The following MEX3D variants were observed in gnomAD, a reference collection of about 807,000 sequenced individuals.
MEX3D encodes the protein mex-3 RNA binding family member D, also known as RNA-binding protein MEX3D.
Under a neutral mutation model 6.3 loss-of-function variants are expected in MEX3D, and 4 were observed. The ratio of observed to expected loss-of-function variants is 0.64; its 90% CI spans 0.31 to 1.46. MEX3D has a LOEUF of 1.46. Ranked by LOEUF, MEX3D falls within the 40% of genes most tolerant of loss-of-function variation. The pLI is 0.07. For synonymous variants in MEX3D, 626 were observed against 494.1 expected (o/e 1.27, Z -3.54); for missense variants, 1,038 against 994.4 (o/e 1.04, Z -0.59).
intron 1 of MEX3D, among the ~76,000 whole-genome samples, chr19:1,558,611 C>G (rs1285500996): frequency 6.6e-6 from 1 of 152,216 alleles, no homozygotes; most frequent in Non-Finnish European, 1.5e-5. Flanking sequence ...TGGAGACCCT[C>G]TGACACCACC....
rs1424318732 is a variant in MEX3D, at chr19:1,554,930, TAAA to T, written c.*630_*632del. On this transcript the variant is annotated 3_prime_UTR_variant, in exon 2 of 2. Coordinates refer to ENST00000402693, the MANE Select transcript of MEX3D (RefSeq NM_203304.4). ...AGTAAAAGTAAAAAAAAAAAAAAAT[TAAA>T]AAAATTTTAAAAATGACAACAGAAA... 1.3e-5 allele frequency: 2 copies of T among 149,154 alleles called. No homozygotes were observed. Among genetic ancestry groups the T allele is most frequent in the Admixed American group, 6.7e-5 (1 of 15,026 alleles). The allele number at this position is 149,154 out of a possible 1,614,324, so 9.2% of individuals were successfully genotyped here.
intron 1 of MEX3D, among the ~76,000 whole-genome samples, chr19:1,566,375 G>T (rs1387233616): frequency 6.6e-6 from 1 of 152,158 alleles, no homozygotes; most frequent in Non-Finnish European, 1.5e-5. Flanking sequence ...GCGCCCTGGT[G>T]GTCCCCCGCC....
Position 1,555,216 on chromosome 19 carries a change from GTTTT to G in MEX3D, c.*343_*346del, listed in dbSNP as rs971365560. On this transcript the variant is annotated 3_prime_UTR_variant, in exon 2 of 2. Transcript: ENST00000402693. ...AAACGCTGAGCGCTGGAAAAGTCGT[GTTTT>G]TTGTTTTGCTTTTTTAAAGATCACC... is the stretch of plus-strand genomic sequence containing the variant. 22 of 1,100,798 alleles carry G rather than the reference GTTTT, an allele frequency of 2.0e-5. No homozygotes were observed. The Admixed American group carries it at 5.8e-4, about 29-fold the overall frequency. The allele number at this position is 1,100,798 out of a possible 1,614,324, so 68.2% of individuals were successfully genotyped here.
Position 1,561,182 on chromosome 19 carries a change from C to T in MEX3D, c.596-4259G>A, listed in dbSNP as rs545476643. On this transcript the variant is annotated intron_variant, in intron 1 of 1. Transcript: ENST00000402693. Reference sequence around the variant, plus strand: ...ACCAGCGGGCATCACTCATCCAGCCCGTCCAGGGTCCTGGCTGCAATGACC... The same window carrying T: ...ACCAGCGGGCATCACTCATCCAGCCTGTCCAGGGTCCTGGCTGCAATGACC... 5.4e-4 allele frequency among the ~76,000 whole-genome samples: 82 copies of T among 152,326 alleles called. 1 individual carries two copies. The highest frequency in any genetic ancestry group is 1.8e-3 in the African/African-American group (74 of 41,574).
intron 1 of MEX3D, among the ~76,000 whole-genome samples, chr19:1,558,417 T>C (rs1914633548): frequency 6.7e-6 from 1 of 150,270 alleles, no homozygotes; most frequent in Non-Finnish European, 1.5e-5. Flanking sequence ...GAAGCTGGCC[T>C]TGTGGAGACA....
intron 1 of MEX3D, among the ~76,000 whole-genome samples, chr19:1,559,869 T>C (rs1292658984): frequency 3.3e-5 from 5 of 152,006 alleles, no homozygotes; most frequent in Non-Finnish European, 5.9e-5. Flanking sequence ...ACAGCAGTTT[T>C]CCCGCCCCAG....
chr19:1,557,642 C>T (rs1409976831), intron 1 of MEX3D, among the ~76,000 whole-genome samples: 9 of 146,978 alleles, frequency 6.1e-5, no homozygotes, highest in African/African-American at 2.0e-4. Flanking sequence ...GGGTGGATCA[C>T]GAGGTCAGGG....
At chr19:1,565,387 C>G (rs1255798319) in intron 1 of MEX3D, among the ~76,000 whole-genome samples, 2 of 152,094 alleles carry the variant, frequency 1.3e-5, no homozygotes, top group South Asian at 2.1e-4. Context: ...ACTAAAAATA[C>G]AAAAATCAGC....
rs1914537174 is a variant in MEX3D, at chr19:1,556,044, T to C, written c.1475A>G (p.Asn492Ser). The change falls in exon 2 of 2, where the codon AAC becomes AGC. Residue 492 changes from asparagine to serine, a missense_variant. Around this residue, in one of 5 missense-constraint regions of MEX3D, gnomAD observed 581 missense variants for 516.2 expected, o/e 1.13. Coordinates refer to ENST00000402693, the MANE Select transcript of MEX3D (RefSeq NM_203304.4). The surrounding 1 kb of genome is among the most constrained non-coding windows in gnomAD (Gnocchi z 7.5). The part of the protein sequence containing the change: ...LPAFSGCSTV[N>S]GAPGPPAAGA... The stretch of plus-strand genomic sequence containing the variant: ...GGCGGCGGGAGGTCCCGGGGCTCCG[T>C]TGACCGTGGAGCAGCCGCTGAAGGC... 2.2e-6 allele frequency: 3 copies of C among 1,338,814 alleles called. No homozygotes were observed. The highest frequency in any genetic ancestry group is 2.9e-6 in the Non-Finnish European group (3 of 1,044,128). 82.9% of individuals were successfully genotyped at this position (1,338,814 alleles called of 1,614,324 possible).
Position 1,555,518 on chromosome 19 carries a change from C to G in MEX3D, c.*45G>C. On this transcript the variant is annotated 3_prime_UTR_variant, in exon 2 of 2. Coordinates refer to ENST00000402693, the MANE Select transcript of MEX3D (RefSeq NM_203304.4). The stretch of plus-strand genomic sequence containing the variant: ...GGTCCCGCCCCGTCTCCCGCGCCCA[C>G]CCCTGGCCCCCGCAGATGGCCCCGG... The G allele has an allele frequency of 1.3e-6, 2 of 1,530,604 alleles. No homozygotes were observed. Among genetic ancestry groups the G allele is most frequent in the South Asian group, 1.2e-5 (1 of 82,502 alleles). 94.8% of individuals were successfully genotyped at this position (1,530,604 alleles called of 1,614,324 possible).
chr19:1,566,312 AGG>A (rs1914838215), intron 1 of MEX3D, among the ~76,000 whole-genome samples: 1 of 152,168 alleles, frequency 6.6e-6, no homozygotes, highest in African/African-American at 2.4e-5. Context: ...ACCAAAAGAC[AGG>A]AGGCTGTGGT....
intron 1 of MEX3D, among the ~76,000 whole-genome samples, chr19:1,561,957 A>T (rs964705059): frequency 2.0e-4 from 31 of 151,908 alleles, no homozygotes; most frequent in Non-Finnish European, 4.3e-4. Context: ...TCTACAAAAA[A>T]TTTTTAAAAA....
In MEX3D at chr19:1,555,780, G is replaced by T. The variant is rs1029530008; in HGVS notation, c.1739C>A (p.Ala580Asp). 2.4e-5 allele frequency: 35 copies of T among 1,455,934 alleles called. No individual in the cohort carries two copies. Among genetic ancestry groups the T allele is most frequent in the Non-Finnish European group, 3.1e-5 (35 of 1,111,702 alleles). 90.2% of individuals were successfully genotyped at this position (1,455,934 alleles called of 1,614,324 possible). A position where few individuals can be genotyped will look rare whatever the true frequency, so the allele number is the denominator to read the frequency against. ...AAACAPLDSG[A>D]SENSRKPPSA... Reference sequence around the variant, plus strand: ...AGGGGGCTTGCGGCTGTTCTCGGAGGCGCCGGAGTCCAGGGGGGCGCAGGC... The same window carrying T: ...AGGGGGCTTGCGGCTGTTCTCGGAGTCGCCGGAGTCCAGGGGGGCGCAGGC... Residue 580 changes from alanine (A) to aspartate (D), a missense_variant, in exon 2 of 2, where the codon GCC (alanine) becomes GAC (aspartate). This residue lies in a region of MEX3D where 581 missense variants were observed against 516.2 expected (regional missense o/e 1.13). Coordinates refer to ENST00000402693, the MANE Select transcript of MEX3D (RefSeq NM_203304.4).
rs552184554 is a variant in MEX3D, at chr19:1,556,454, G to A, written c.1065C>T (p.His355=). 33 of 1,598,914 alleles carry A rather than the reference G, an allele frequency of 2.1e-5. No homozygotes were observed. In the East Asian group the frequency reaches 6.0e-4, roughly 29 times the overall value. The part of the protein sequence containing the change: ...FTDAGPDSDF[H]ANGTDVCLDL... ...CCAGGCAGACGTCGGTGCCGTTGGC[G>A]TGGAAGTCGCTGTCGGGGCCCGCGT... The change falls in exon 2 of 2, where the codon CAC becomes CAT. Residue 355 remains histidine, a synonymous_variant. Transcript: ENST00000402693. This position sits in a 1 kb window ranked among gnomAD's most constrained non-coding sequence, Gnocchi z 7.5.
Position 1,556,328 on chromosome 19 carries a change from G to A in MEX3D, c.1191C>T (p.Gly397=), listed in dbSNP as rs547836249. Residue 397 remains glycine, a synonymous_variant, in exon 2 of 2, where the codon GGC becomes GGT. Coordinates refer to ENST00000402693, the MANE Select transcript of MEX3D (RefSeq NM_203304.4). This position sits in a 1 kb window ranked among gnomAD's most constrained non-coding sequence, Gnocchi z 7.5. ...AGAAGGCCTCGGGGGCGCTGGGGGC[G>A]CCCAGGGCCGTGTCCCCGCGGAGGC... ...TAGLRGDTAL[G]APSAPEAFYA... 2.0e-4 allele frequency: 274 copies of A among 1,363,966 alleles called. 3 individuals carry two copies. In the Middle Eastern group the frequency reaches 6.8e-3, roughly 34 times the overall value. The allele number at this position is 1,363,966 out of a possible 1,614,324, so 84.5% of individuals were successfully genotyped here. A position where few individuals can be genotyped will look rare whatever the true frequency, so the allele number is the denominator to read the frequency against.
rs1258418304 is a variant in MEX3D at position 1,568,297 on chromosome 19, G to A, written c.-239C>T. The stretch of plus-strand genomic sequence containing the variant: ...CGGCGGCGGCGGCGACGGCGGCGGC[G>A]GCTCCTCGGCGGCCGAGGCGGCGGC... On this transcript the variant is annotated 5_prime_UTR_variant, in exon 1 of 2. Transcript: ENST00000402693. Among the ~76,000 whole-genome samples the A allele has an allele frequency of 7.1e-6, 1 of 141,508 alleles. No homozygotes were observed. The highest frequency in any genetic ancestry group is 2.2e-4 in the South Asian group (1 of 4,622). The allele number at this position is 141,508 out of a possible 152,430, so 92.8% of individuals were successfully genotyped here.
chr19:1,568,123 C>A lies in MEX3D; in HGVS notation c.-65G>T. 1.0e-6 allele frequency: 1 copy of A among 978,376 alleles called. No individual in the cohort carries two copies. Among genetic ancestry groups the A allele is most frequent in the South Asian group, 4.6e-5 (1 of 21,962 alleles). 60.6% of individuals were successfully genotyped at this position (978,376 alleles called of 1,614,324 possible). A position where few individuals can be genotyped will look rare whatever the true frequency, so the allele number is the denominator to read the frequency against. ...CGCCGCCGCCGCCGCCCGCGCCGCC[C>A]TCCGCCTCTGCGAGCTGGGCCGCCG... On this transcript the variant is annotated 5_prime_UTR_variant, in exon 1 of 2. The change creates a new upstream start codon in the 5' untranslated region. Coordinates refer to ENST00000402693, the MANE Select transcript of MEX3D (RefSeq NM_203304.4).
In MEX3D at chr19:1,568,270, C is replaced by CGCGGCG. The variant is rs1914909731; in HGVS notation, c.-213_-212insCGCCGC. ...GCGGCGGCAGCGACTCTGGCTGCGG[C>CGCGGCG]TCGGCGGCGGCGGCGACGGCGGCGG... On this transcript the variant is annotated 5_prime_UTR_variant, in exon 1 of 2. Coordinates refer to ENST00000402693, the MANE Select transcript of MEX3D (RefSeq NM_203304.4). Among the ~76,000 whole-genome samples the CGCGGCG allele has an allele frequency of 1.4e-5, 2 of 140,020 alleles. No individual in the cohort carries two copies. Among genetic ancestry groups the CGCGGCG allele is most frequent in the Non-Finnish European group, 3.2e-5 (2 of 63,284 alleles). 91.9% of individuals were successfully genotyped at this position (140,020 alleles called of 152,430 possible). A position where few individuals can be genotyped will look rare whatever the true frequency, so the allele number is the denominator to read the frequency against.
At chr19:1,558,911 G>A (rs1321892401) in intron 1 of MEX3D, among the ~76,000 whole-genome samples, 1 of 152,132 alleles carries the variant, frequency 6.6e-6, no homozygotes, top group Non-Finnish European at 1.5e-5. Context: ...GATTGTGTAG[G>A]CAACCGCTGA....
Sources: gnomAD v4.1 joint callset for allele counts (sites outside exome capture counted in the v4.1 genomes callset) on GRCh38, gnomAD v4.1.1 for gene constraint, gnomAD v4.1.1 regional missense constraint, Gnocchi (gnomAD v3.1) non-coding constraint, MANE v1.5 for transcripts, NCBI Gene and HGNC (gene_info 2026-07-23, HGNC 2026-07-21) for gene names.